The following ANXA4 variants were observed in gnomAD, a reference collection of about 807,000 sequenced individuals.
ANXA4 encodes the protein annexin A4, also known as 35-beta calcimedin.
ANXA4 carries 39 observed loss-of-function variants against 49.8 expected under a neutral mutation model. The observed-to-expected ratio is 0.78, with a 90% CI of 0.61 to 1.02. The LOEUF is 1.02. ANXA4 is among the 50% of genes least tolerant of loss of function. The pLI is 0.00. For missense variants in ANXA4, 360 were observed against 410.1 expected, an observed-to-expected ratio of 0.88 and a Z score of 1.05; for synonymous variants, 134 against 152.5, an observed-to-expected ratio of 0.88 and a Z score of 0.89.
intron 1 of ANXA4, among the ~76,000 whole-genome samples, chr2:69,764,752 G>A (rs1416812844): frequency 1.3e-5 from 2 of 152,152 alleles, no homozygotes; most frequent in Admixed American, 6.6e-5. Flanking sequence ...GTGACATTAA[G>A]TATATTCACA....
In ANXA4 at chr2:69,782,839, G is replaced by C. The variant is rs548331722; in HGVS notation, c.9+1265G>C. On this transcript the variant is annotated intron_variant, in intron 2 of 12. Coordinates refer to ENST00000394295, the MANE Select transcript of ANXA4 (RefSeq NM_001153.5). ...CCACTCGGAGAAAATTACCTCAGTT[G>C]CTCTCATCTTTCCTCCTAAAACCTG... 4.6e-5 allele frequency among the ~76,000 whole-genome samples: 7 copies of C among 152,244 alleles called. No homozygotes were observed. The East Asian group carries it at 1.2e-3, about 25-fold the overall frequency.
chr2:69,779,866 C>T (rs11898974), intron 1 of ANXA4, among the ~76,000 whole-genome samples: 11,080 of 152,240 alleles, frequency 0.073, 1,077 homozygotes, highest in Admixed American at 0.22. Context: ...AGCTCATTCC[C>T]ACCTCTGTAC....
intron 1 of ANXA4, 96 bp from the exon 2 acceptor site, chr2:69,781,424 C>A: frequency 2.0e-6 from 2 of 1,001,756 alleles, no homozygotes; most frequent in Non-Finnish European, 3.1e-6. Flanking sequence ...GTCATTTCCT[C>A]ATGGCTTAGC....
At chr2:69,704,347 C>G (rs1485536807) in intron 2 of ANXA4, among the ~76,000 whole-genome samples, 1 of 152,126 alleles carries the variant, frequency 6.6e-6, no homozygotes. Context: ...CTAAAATTCT[C>G]TTATAATTTC....
intron 3 of ANXA4, among the ~76,000 whole-genome samples, chr2:69,798,187 G>T (rs1673024953): frequency 6.6e-6 from 1 of 152,190 alleles, no homozygotes; most frequent in Non-Finnish European, 1.5e-5. Context: ...ATTATCATTA[G>T]GAGTTAAATA....
intron 2 of ANXA4, among the ~76,000 whole-genome samples, chr2:69,686,882 G>A (rs1677809220): frequency 6.6e-6 from 1 of 152,240 alleles, no homozygotes; most frequent in South Asian, 2.1e-4. Flanking sequence ...TGCAGTCACT[G>A]GTAGAAGGGA....
intron 3 of ANXA4, among the ~76,000 whole-genome samples, chr2:69,794,571 TGTTA>T (rs1440752871): frequency 1.1e-4 from 16 of 150,730 alleles, no homozygotes; most frequent in African/African-American, 3.7e-4. Context: ...TGTTATGTTA[TGTTA>T]TTTTTGAGAC....
intron 3 of ANXA4, among the ~76,000 whole-genome samples, chr2:69,804,137 C>CAAA (rs377321563): frequency 7.0e-4 from 62 of 88,672 alleles, no homozygotes; most frequent in African/African-American, 1.6e-3. Context: ...GACTTTCTCT[C>CAAA]AAAAAAAAAA....
chr2:69,705,980 T>A (rs547361198), intron 2 of ANXA4, among the ~76,000 whole-genome samples: 3 of 152,176 alleles, frequency 2.0e-5, no homozygotes, highest in East Asian at 3.9e-4. Context: ...TGCTTTAAGG[T>A]ACATGTTAAT....
At chr2:69,719,923 G>A (rs1185114926) in intron 2 of ANXA4, among the ~76,000 whole-genome samples, 5 of 152,128 alleles carry the variant, frequency 3.3e-5, no homozygotes, top group Non-Finnish European at 5.9e-5. Context: ...ACTGTGCCTG[G>A]CGAAGTCTTT....
intron 2 of ANXA4, among the ~76,000 whole-genome samples, chr2:69,787,451 G>A (rs1672464878): frequency 1.3e-5 from 2 of 152,192 alleles, no homozygotes; most frequent in South Asian, 4.1e-4. Context: ...TTTGCTGACT[G>A]CAACCCTTTG....
At chr2:69,693,739 T>C (rs7578474) in intron 2 of ANXA4, among the ~76,000 whole-genome samples, 4,499 of 152,188 alleles carry the variant, frequency 0.03, 228 homozygotes, top group African/African-American at 0.1. Context: ...CCTGGACATA[T>C]TTGGGGTTAG....
chr2:69,685,615 A>G (rs898887787), intron 2 of ANXA4, among the ~76,000 whole-genome samples: 3 of 152,342 alleles, frequency 2.0e-5, no homozygotes, highest in South Asian at 4.1e-4. Flanking sequence ...TGAATGGCAG[A>G]ACGAAAATTC....
rs1198125469 is a variant in ANXA4, at chr2:69,825,581, C to T, written c.*66C>T. ...GAATTTTTTTAACTTCATTTTTCTACACTGCTATTATCATTATCTCAGAAT... is the reference window on the plus strand; with the variant it reads ...GAATTTTTTTAACTTCATTTTTCTATACTGCTATTATCATTATCTCAGAAT... On this transcript the variant is annotated 3_prime_UTR_variant, in exon 13 of 13. Transcript: ENST00000394295. The T allele has an allele frequency of 8.3e-7, 1 of 1,206,672 alleles. No homozygotes were observed. Among genetic ancestry groups the T allele is most frequent in the Non-Finnish European group, 1.2e-6 (1 of 826,832 alleles). 74.7% of individuals were successfully genotyped at this position (1,206,672 alleles called of 1,614,324 possible). A position where few individuals can be genotyped will look rare whatever the true frequency, so the allele number is the denominator to read the frequency against.
rs184171182 is a variant in ANXA4, at chr2:69,702,363, A to G, written n.767-18411A>G. On this transcript the variant is annotated intron_variant and non_coding_transcript_variant, in intron 2 of 3. Coordinates refer to the ANXA4 transcript ENST00000418066. ...AATCCAAAATATATAAATCAAATAT[A>G]TTTAAAAAGTAGAGAAAAGAGTACT... Among the ~76,000 whole-genome samples, 9 of 152,262 alleles carry G rather than the reference A, an allele frequency of 5.9e-5. No individual in the cohort carries two copies. In the East Asian group the frequency reaches 1.7e-3, roughly 29 times the overall value.
At chr2:69,753,072 A>G (rs13424666) in intron 1 of ANXA4, among the ~76,000 whole-genome samples, 12,202 of 152,170 alleles carry the variant, frequency 0.08, 1,595 homozygotes, top group African/African-American at 0.27. Context: ...CTACCCTGCA[A>G]TTCGTAATAG....
chr2:69,811,939 A>T lies in ANXA4; in HGVS notation c.478-714A>T, dbSNP rs1484963835. Among the ~76,000 whole-genome samples the T allele has an allele frequency of 2.0e-5, 3 of 152,146 alleles. No individual in the cohort carries two copies. In the East Asian group the frequency reaches 5.8e-4, roughly 29 times the overall value. ...ACATCGAGACAGTATAACAATAAAA[A>T]TAGCCTAAAAACTAGAGGAAAGTAG... On this transcript the variant is annotated intron_variant, in intron 7 of 12. Coordinates refer to ENST00000394295, the MANE Select transcript of ANXA4 (RefSeq NM_001153.5).
At chr2:69,663,667 C>G (rs1676822264) in intron 2 of ANXA4, among the ~76,000 whole-genome samples, 1 of 151,484 alleles carries the variant, frequency 6.6e-6, no homozygotes, top group Non-Finnish European at 1.5e-5. Flanking sequence ...GACCCTGTGT[C>G]AATAAAAAAA....
At chr2:69,670,420 C>T (rs557842021) in intron 2 of ANXA4, among the ~76,000 whole-genome samples, 9 of 120,044 alleles carry the variant, frequency 7.5e-5, no homozygotes, top group African/African-American at 2.9e-4. Flanking sequence ...AGCCTGGCGA[C>T]AGAGCGAGAC....
Sources: gnomAD v4.1 joint callset for allele counts (sites outside exome capture counted in the v4.1 genomes callset) on GRCh38, gnomAD v4.1.1 for gene constraint, MANE v1.5 for transcripts, NCBI Gene and HGNC (gene_info 2026-07-23, HGNC 2026-07-21) for gene names.